The following ARPC2 variants were observed in gnomAD, a reference collection of about 807,000 sequenced individuals.
ARPC2 encodes actin related protein 2/3 complex subunit 2, also known as actin-related protein 2/3 complex subunit 2.
In ARPC2, 4 loss-of-function variants were observed where a neutral mutation model predicts 38.6. The observed-to-expected ratio is 0.10, with a 90% CI of 0.05 to 0.24. The LOEUF is 0.24. Ranked by LOEUF, ARPC2 falls within the 10% of genes least tolerant of loss-of-function variation. The probability of loss-of-function intolerance (pLI) is 1.00; values close to 1 mark genes in which losing one functional copy is unlikely to be tolerated. For missense variants in ARPC2, 229 were observed against 387.3 expected (o/e 0.59, Z 3.43); for synonymous variants, 125 against 140.8 (o/e 0.89, Z 0.79).
chr2:218,217,555 G>T lies in ARPC2; in HGVS notation c.74+11G>T, dbSNP rs200735734. 3.2e-5 allele frequency: 52 copies of T among 1,608,288 alleles called. No individual in the cohort carries two copies. The Admixed American group carries it at 6.9e-4, about 21-fold the overall frequency. On this transcript the variant is annotated intron_variant, in intron 2 of 10. Coordinates refer to ENST00000315717, the MANE Select transcript of ARPC2 (RefSeq NM_152862.3). ...GAACGCGGCCGCCGGGTGAGCGCGCGCCCGGGGCCGGGGGTGGCGGGGGAA... is the reference window on the plus strand; with the variant it reads ...GAACGCGGCCGCCGGGTGAGCGCGCTCCCGGGGCCGGGGGTGGCGGGGGAA...
intron 3 of ARPC2, among the ~76,000 whole-genome samples, chr2:218,226,650 G>T: frequency 8.7e-6 from 1 of 115,458 alleles, no homozygotes; most frequent in South Asian, 2.8e-4. Context: ...AAAAAAAAAA[G>T]CTTTGACATT....
chr2:218,229,039 C>A, intron 4 of ARPC2, 189 bp downstream of exon 4: 1 of 456,976 alleles, frequency 2.2e-6, no homozygotes, highest in Non-Finnish European at 3.9e-6. Context: ...TGCTTGCTTG[C>A]TTTAAAACAA....
chr2:218,238,383 G>C (rs375380742), intron 5 of ARPC2, among the ~76,000 whole-genome samples: 1 of 151,946 alleles, frequency 6.6e-6, no homozygotes, highest in Non-Finnish European at 1.5e-5. Context: ...TCAAATTTTT[G>C]ATTAACATTA....
intron 8 of ARPC2, among the ~76,000 whole-genome samples, chr2:218,248,609 C>G (rs373054200): frequency 6.6e-6 from 1 of 152,194 alleles, no homozygotes; most frequent in East Asian, 1.9e-4. Context: ...TACAGGCACA[C>G]GCCATCACAT....
At position 218,234,417 on chromosome 2, in the gene ARPC2, A is replaced by T; in HGVS notation, c.268+20A>T. 1 of 1,576,470 alleles carries T rather than the reference A, an allele frequency of 6.3e-7. No homozygotes were observed. On this transcript the variant is annotated intron_variant, in intron 5 of 10. Transcript: ENST00000315717. ...AATCAGGTATGTAGTCATGTGAGCA[A>T]CTATGGAATGACATGGGAAGAGAGG... is the stretch of plus-strand genomic sequence containing the variant.
At chr2:218,227,486 T>C (rs1368262234) in intron 3 of ARPC2, among the ~76,000 whole-genome samples, 2 of 152,100 alleles carry the variant, frequency 1.3e-5, no homozygotes, top group African/African-American at 2.4e-5. Flanking sequence ...TGCAGTGGCG[T>C]TGATAATCTG....
intron 10 of ARPC2, among the ~76,000 whole-genome samples, chr2:218,252,650 C>T (rs1236689319): frequency 1.3e-5 from 2 of 152,182 alleles, no homozygotes; most frequent in Admixed American, 6.5e-5. Flanking sequence ...CTGTGATAAC[C>T]GGACTGGAAG....
chr2:218,226,475 A>G (rs892400135), intron 3 of ARPC2, among the ~76,000 whole-genome samples: 2 of 149,836 alleles, frequency 1.3e-5, no homozygotes, highest in African/African-American at 4.9e-5. Flanking sequence ...TAAAAATACA[A>G]AAAATTAGCT....
intron 4 of ARPC2, 82 bp from the exon 5 acceptor site, chr2:218,234,270 C>A: frequency 9.2e-7 from 1 of 1,082,138 alleles, no homozygotes; most frequent in Non-Finnish European, 1.3e-6. Flanking sequence ...AAGAGCTTGG[C>A]AAGTGCAGTA....
At chr2:218,248,677 T>C (rs1690105699) in intron 8 of ARPC2, among the ~76,000 whole-genome samples, 1 of 152,166 alleles carries the variant, frequency 6.6e-6, no homozygotes, top group Non-Finnish European at 1.5e-5. Context: ...GCCAGGCTGG[T>C]CTCAAAACTC....
intron 5 of ARPC2, chr2:218,235,131 TC>T: frequency 3.3e-6 from 1 of 298,898 alleles, no homozygotes; most frequent in South Asian, 2.9e-5. Context: ...AGAAGGAAGT[TC>T]TCTGTCACTC....
chr2:218,217,205 TGGCGGCGGC>T lies in ARPC2; in HGVS notation c.-48_-40del, dbSNP rs894642575. On this transcript the variant is annotated 5_prime_UTR_variant, in exon 1 of 11. Coordinates refer to ENST00000315717, the MANE Select transcript of ARPC2 (RefSeq NM_152862.3). ...ACCGGGCTTGTCGGTGAAGCGGCAG[TGGCGGCGGC>T]GGCGGCGGCTCGGCAGGCGGGTTCA... 12 of 431,308 alleles carry T rather than the reference TGGCGGCGGC, an allele frequency of 2.8e-5. No individual in the cohort carries two copies. In the Admixed American group the frequency reaches 3.6e-4, roughly 13 times the overall value. 26.7% of individuals were successfully genotyped at this position (431,308 alleles called of 1,614,324 possible).
At chr2:218,237,523 AT>A (rs535177958) in intron 5 of ARPC2, among the ~76,000 whole-genome samples, 1,838 of 132,248 alleles carry the variant, frequency 0.014, 15 homozygotes, top group Non-Finnish European at 0.017. Flanking sequence ...CCCACCACCA[AT>A]TTTTTTTTTT....
chr2:218,238,885 G>A, intron 6 of ARPC2, 35 bp downstream of exon 6: 1 of 1,501,764 alleles, frequency 6.7e-7, no homozygotes, highest in Non-Finnish European at 9.2e-7. Flanking sequence ...GCCTGGATAT[G>A]GCTGCTACAC....
intron 10 of ARPC2, among the ~76,000 whole-genome samples, chr2:218,251,924 C>G (rs189075967): frequency 4.6e-4 from 69 of 151,636 alleles, no homozygotes; most frequent in Middle Eastern, 6.8e-3. Flanking sequence ...CAGACATTGT[C>G]AAAAAGCAGT....
intron 4 of ARPC2, chr2:218,233,227 C>T (rs950922616): frequency 3.3e-5 from 5 of 152,022 alleles, no homozygotes; most frequent in African/African-American, 1.2e-4. Flanking sequence ...GTGGTGCATG[C>T]CTGTAGTCCT....
chr2:218,247,565 A>T (rs1011961666), intron 8 of ARPC2, among the ~76,000 whole-genome samples: 1 of 152,076 alleles, frequency 6.6e-6, no homozygotes, highest in African/African-American at 2.4e-5. Context: ...CCAGGCTCAA[A>T]CAATTCTCGT....
intron 10 of ARPC2, chr2:218,253,148 T>G (rs1690233900): frequency 1.1e-5 from 4 of 361,164 alleles, no homozygotes; most frequent in South Asian, 8.3e-5. Flanking sequence ...AAGGTGTAGC[T>G]TCATTTTGGA....
chr2:218,245,755 C>T (rs1024738664), intron 8 of ARPC2, among the ~76,000 whole-genome samples: 1 of 152,084 alleles, frequency 6.6e-6, no homozygotes, highest in African/African-American at 2.4e-5. Context: ...TACAGTAATC[C>T]TTTCCTTTTT....
Sources: gnomAD v4.1 joint callset for allele counts (sites outside exome capture counted in the v4.1 genomes callset) on GRCh38, gnomAD v4.1.1 for gene constraint, MANE v1.5 for transcripts, NCBI Gene and HGNC (gene_info 2026-07-23, HGNC 2026-07-21) for gene names.